The following ST8SIA6 variants were observed in gnomAD, a reference collection of about 807,000 sequenced individuals.
ST8SIA6 encodes the protein ST8 alpha-N-acetyl-neuraminide alpha-2,8-sialyltransferase 6.
Under a neutral mutation model 33.6 loss-of-function variants are expected in ST8SIA6, and 39 were observed. That is an observed-to-expected ratio of 1.16 (90% CI 0.90 to 1.52). The LOEUF (loss-of-function observed/expected upper bound fraction) is 1.52, where lower values mean the gene tolerates loss of function less well. Among genes scored for constraint, ST8SIA6 ranks in the 40% most tolerant of loss-of-function variants. The pLI, the probability that ST8SIA6 is intolerant of heterozygous loss-of-function variation, is 0.00. For missense variants in ST8SIA6, 441 were observed against 443.8 expected (o/e 0.99, Z 0.06); for synonymous variants, 172 against 167.2 (o/e 1.03, Z -0.22).
chr10:17,445,351 G>A (rs1041285718), intron 2 of ST8SIA6, among the ~76,000 whole-genome samples: 2 of 152,132 alleles, frequency 1.3e-5, no homozygotes, highest in African/African-American at 4.8e-5. Flanking sequence ...ACATTTCGGT[G>A]GCAACAGATC....
chr10:17,400,873 A>G (rs913455230), intron 2 of ST8SIA6, among the ~76,000 whole-genome samples: 1 of 152,234 alleles, frequency 6.6e-6, no homozygotes, highest in Non-Finnish European at 1.5e-5. Context: ...GTGGCATGAG[A>G]CAGGGATGCC....
At chr10:17,409,062 C>T (rs1042104110) in intron 2 of ST8SIA6, among the ~76,000 whole-genome samples, 3 of 151,842 alleles carry the variant, frequency 2.0e-5, no homozygotes, top group African/African-American at 4.8e-5. Flanking sequence ...GGATTACAGG[C>T]GTGAGCCACA....
At chr10:17,365,183 C>T (rs116990156) in intron 3 of ST8SIA6, among the ~76,000 whole-genome samples, 25 of 152,148 alleles carry the variant, frequency 1.6e-4, no homozygotes, top group East Asian at 7.7e-4. Context: ...TAGTAATACT[C>T]GAACCACAAA....
intron 4 of ST8SIA6, among the ~76,000 whole-genome samples, chr10:17,334,505 C>A: frequency 6.7e-6 from 1 of 149,392 alleles, no homozygotes. Flanking sequence ...CGCCACTGCA[C>A]TCCAGCCTGG....
At chr10:17,440,350 C>A (rs550565391) in intron 2 of ST8SIA6, among the ~76,000 whole-genome samples, 1 of 151,766 alleles carries the variant, frequency 6.6e-6, no homozygotes, top group South Asian at 2.1e-4. Context: ...GGATTACAGG[C>A]GCCCGCCACC....
intron 3 of ST8SIA6, among the ~76,000 whole-genome samples, chr10:17,371,647 G>A (rs557724602): frequency 8.6e-4 from 131 of 151,804 alleles, no homozygotes; most frequent in Admixed American, 3.5e-3. Flanking sequence ...TTAGCAGGGC[G>A]TGGTGGTGCA....
chr10:17,387,886 T>C (rs1850440232), intron 3 of ST8SIA6, among the ~76,000 whole-genome samples: 1 of 152,230 alleles, frequency 6.6e-6, no homozygotes, highest in Admixed American at 6.5e-5. Flanking sequence ...GCCCATGAAA[T>C]GCCCACTGTA....
intron 4 of ST8SIA6, among the ~76,000 whole-genome samples, chr10:17,338,498 G>A (rs1470257832): frequency 6.6e-6 from 1 of 152,190 alleles, no homozygotes; most frequent in Non-Finnish European, 1.5e-5. Context: ...ATCTAAGCCT[G>A]TTCCCCTTGG....
intron 2 of ST8SIA6, 54 bp from the exon 3 acceptor site, chr10:17,390,674 G>T: frequency 1.4e-6 from 2 of 1,422,822 alleles, no homozygotes; most frequent in Non-Finnish European, 2.0e-6. Flanking sequence ...GAGCTTATAA[G>T]ATATTGTTAA....
intron 2 of ST8SIA6, among the ~76,000 whole-genome samples, chr10:17,430,104 C>T (rs2131720344): frequency 6.6e-6 from 1 of 152,246 alleles, no homozygotes; most frequent in African/African-American, 2.4e-5. Context: ...CTGTATGCCT[C>T]TGCATACTCA....
chr10:17,321,175 A>G lies in ST8SIA6; in HGVS notation c.900T>C (p.His300=). 6.2e-7 allele frequency: 1 copy of G among 1,614,114 alleles called. No individual in the cohort carries two copies. The highest frequency in any genetic ancestry group is 8.5e-7 in the Non-Finnish European group (1 of 1,179,980). The change falls in exon 8 of 8, where the codon CAT becomes CAC. Residue 300 remains histidine, a synonymous_variant. Transcript: ENST00000377602. ...SKARQKVLFF[H]PKYLKDLALF... ...GGGCCAGATCTTTCAGGTACTTGGG[A>G]TGGAAAAATAGAACCTTTTGTCTTG...
At chr10:17,396,449 T>C (rs1212652859) in intron 2 of ST8SIA6, among the ~76,000 whole-genome samples, 1 of 152,104 alleles carries the variant, frequency 6.6e-6, no homozygotes, top group Non-Finnish European at 1.5e-5. Flanking sequence ...TTATTGTCTT[T>C]GCCTATTCTC....
intron 2 of ST8SIA6, among the ~76,000 whole-genome samples, chr10:17,419,344 C>A (rs542435884): frequency 2.0e-5 from 3 of 152,186 alleles, no homozygotes; most frequent in Admixed American, 6.5e-5. Flanking sequence ...CCAGCCTGGG[C>A]AACATGGTGA....
intron 2 of ST8SIA6, among the ~76,000 whole-genome samples, chr10:17,433,008 C>A (rs571731894): frequency 5.9e-5 from 9 of 152,284 alleles, no homozygotes; most frequent in African/African-American, 2.2e-4. Context: ...AATGAGGCAT[C>A]CCTGGAGTCT....
chr10:17,389,608 C>A (rs1850509370), intron 3 of ST8SIA6, among the ~76,000 whole-genome samples: 1 of 152,054 alleles, frequency 6.6e-6, no homozygotes, highest in Non-Finnish European at 1.5e-5. Context: ...TGTAGCAAAC[C>A]CTCTAAAATA....
chr10:17,321,635 G>A (rs899008303), intron 7 of ST8SIA6, among the ~76,000 whole-genome samples: 2 of 151,874 alleles, frequency 1.3e-5, no homozygotes, highest in African/African-American at 2.4e-5. Flanking sequence ...ATTCTTATTC[G>A]TTAATTTTTC....
At chr10:17,347,928 C>T (rs1447723541) in intron 4 of ST8SIA6, among the ~76,000 whole-genome samples, 2 of 132,728 alleles carry the variant, frequency 1.5e-5, no homozygotes, top group Non-Finnish European at 3.1e-5. Context: ...TGCATTCCAG[C>T]CTAGGCGATG....
At chr10:17,378,164 A>G (rs1234399354) in intron 3 of ST8SIA6, among the ~76,000 whole-genome samples, 1 of 152,204 alleles carries the variant, frequency 6.6e-6, no homozygotes, top group African/African-American at 2.4e-5. Flanking sequence ...GAAGGCAAAC[A>G]TGGGGGTATG....
Position 17,318,966 on chromosome 10 carries a change from T to G in ST8SIA6, c.*1912A>C, listed in dbSNP as rs1847855980. ...CCAGGAAGAAAATGTTAGGATTCAA[T>G]GAGGCACTGTGTCTTTTACTCCCTT... On this transcript the variant is annotated 3_prime_UTR_variant, in exon 8 of 8. Coordinates refer to ENST00000377602, the MANE Select transcript of ST8SIA6 (RefSeq NM_001004470.3). Among the ~76,000 whole-genome samples the G allele has an allele frequency of 6.6e-6, 1 of 152,162 alleles. No individual in the cohort carries two copies. The highest frequency in any genetic ancestry group is 1.5e-5 in the Non-Finnish European group (1 of 68,038).
Sources: allele counts gnomAD v4.1 joint callset (sites outside exome capture counted in the v4.1 genomes callset), GRCh38; gene constraint gnomAD v4.1.1; transcripts MANE v1.5; gene names NCBI Gene and HGNC (gene_info 2026-07-23, HGNC 2026-07-21).